The following DENND2C variants were observed in gnomAD, a reference collection of about 807,000 sequenced individuals.
The protein encoded by DENND2C is DENN domain-containing protein 2C.
Under a neutral mutation model 112.4 loss-of-function variants are expected in DENND2C, and 72 were observed. That is an observed-to-expected ratio of 0.64 (90% CI 0.53 to 0.78). DENND2C has a LOEUF of 0.78. Ranked by LOEUF, DENND2C falls within the 30% of genes least tolerant of loss-of-function variation. The pLI, the probability that DENND2C is intolerant of heterozygous loss-of-function variation, is 0.00. For synonymous variants in DENND2C, 329 were observed against 381.6 expected (o/e 0.86, Z 1.61); for missense variants, 992 against 1,113.8 (o/e 0.89, Z 1.56).
intron 1 of DENND2C, among the ~76,000 whole-genome samples, chr1:114,656,161 G>A (rs141139753): frequency 1.3e-3 from 191 of 151,616 alleles, no homozygotes; most frequent in African/African-American, 4.5e-3. Flanking sequence ...TCAACCACCT[G>A]GGCTTAAAGT....
rs1655015136 is a variant in DENND2C at position 114,585,470 on chromosome 1, G to C, written c.*130C>G. The C allele has an allele frequency of 1.1e-6, 1 of 939,268 alleles. No homozygotes were observed. 58.2% of individuals were successfully genotyped at this position (939,268 alleles called of 1,614,324 possible). ...GCAACAGGAGAATCCTCCTCTAACA[G>C]CCTGACTCGCTCTTTAACCTTTTAA... On this transcript the variant is annotated 3_prime_UTR_variant, in exon 21 of 21. Coordinates refer to ENST00000393274, the MANE Select transcript of DENND2C (RefSeq NM_001256404.2).
chr1:114,606,615 C>G (rs960567663), intron 10 of DENND2C, among the ~76,000 whole-genome samples: 1 of 152,170 alleles, frequency 6.6e-6, no homozygotes, highest in African/African-American at 2.4e-5. Flanking sequence ...AAATGTGGAG[C>G]CCCTTGTTCA....
chr1:114,601,755 T>C (rs371266488), intron 12 of DENND2C, among the ~76,000 whole-genome samples, 170 bp from the exon 13 acceptor site: 12 of 152,188 alleles, frequency 7.9e-5, no homozygotes, highest in African/African-American at 2.9e-4. Context: ...TGATAGCATG[T>C]TTTATTCTAG....
intron 1 of DENND2C, among the ~76,000 whole-genome samples, chr1:114,661,106 CAA>C (rs61417132): frequency 0.44 from 44,722 of 102,494 alleles, 7,171 homozygotes; most frequent in East Asian, 0.52. Context: ...GACTCCGTCT[CAA>C]AAAAAAAAAA....
intron 6 of DENND2C, among the ~76,000 whole-genome samples, chr1:114,622,635 G>A (rs1053662725): frequency 2.6e-5 from 4 of 152,010 alleles, no homozygotes; most frequent in African/African-American, 9.7e-5. Flanking sequence ...ACTCTAGGGA[G>A]CCTTTGCTTC....
chr1:114,627,106 G>A (rs1221517586), intron 3 of DENND2C, among the ~76,000 whole-genome samples: 3 of 152,082 alleles, frequency 2.0e-5, no homozygotes, highest in Non-Finnish European at 2.9e-5. Flanking sequence ...CCTATTTGAC[G>A]ACTGGACTTC....
At chr1:114,633,151 T>C (rs1366068879) in intron 3 of DENND2C, among the ~76,000 whole-genome samples, 3 of 152,020 alleles carry the variant, frequency 2.0e-5, no homozygotes, top group Admixed American at 1.3e-4. Flanking sequence ...TGGAACTGAA[T>C]TAAAAATCAC....
At chr1:114,641,043 T>TA (rs776032700) in intron 3 of DENND2C, among the ~76,000 whole-genome samples, 10 of 151,238 alleles carry the variant, frequency 6.6e-5, no homozygotes, top group East Asian at 1.9e-4. Context: ...TTGGCTTCCT[T>TA]AAAAAAAAAT....
At chr1:114,630,498 G>A (rs1225141067) in intron 3 of DENND2C, among the ~76,000 whole-genome samples, 3 of 151,956 alleles carry the variant, frequency 2.0e-5, no homozygotes, top group Admixed American at 6.6e-5. Context: ...CCTGAAAGAA[G>A]AGAGGAAAAT....
intron 7 of DENND2C, among the ~76,000 whole-genome samples, chr1:114,621,209 G>C (rs1656154908): frequency 6.6e-6 from 1 of 152,138 alleles, no homozygotes; most frequent in African/African-American, 2.4e-5. Flanking sequence ...GATTGCTTGA[G>C]GCCAGGAGTT....
intron 11 of DENND2C, among the ~76,000 whole-genome samples, chr1:114,604,389 G>A (rs1227703000): frequency 4.6e-5 from 7 of 152,182 alleles, no homozygotes; most frequent in Non-Finnish European, 1.0e-4. Flanking sequence ...ATTAAAAGTA[G>A]TAATTTCCTC....
At chr1:114,667,059 A>G (rs1219936518) in intron 1 of DENND2C, among the ~76,000 whole-genome samples, 1 of 152,122 alleles carries the variant, frequency 6.6e-6, no homozygotes, top group Non-Finnish European at 1.5e-5. Context: ...ATGGACTACA[A>G]CACATTCCTC....
At chr1:114,599,476 T>A in intron 15 of DENND2C, 25 bp from the exon 16 acceptor site, 1 of 1,599,960 alleles carries the variant, frequency 6.3e-7, no homozygotes, top group Non-Finnish European at 8.5e-7. Flanking sequence ...AAACAAATGG[T>A]GTCATATATA....
chr1:114,636,750 GT>G (rs201267999), intron 3 of DENND2C, among the ~76,000 whole-genome samples: 10,224 of 148,946 alleles, frequency 0.069, 410 homozygotes, highest in Middle Eastern at 0.1. Context: ...AAGTAAAGCT[GT>G]TTTTTTTTTC....
At chr1:114,660,313 A>T (rs1397874987) in intron 1 of DENND2C, among the ~76,000 whole-genome samples, 1 of 152,194 alleles carries the variant, frequency 6.6e-6, no homozygotes, top group African/African-American at 2.4e-5. Flanking sequence ...CAATATATAA[A>T]ACAGCAGTTT....
chr1:114,624,677 A>C (rs1292421492), intron 4 of DENND2C, among the ~76,000 whole-genome samples: 3 of 148,906 alleles, frequency 2.0e-5, no homozygotes, highest in Non-Finnish European at 4.4e-5. Flanking sequence ...GCTGAAGTGC[A>C]GTGTCACGAT....
chr1:114,608,344 A>G (rs1489798821), intron 10 of DENND2C, among the ~76,000 whole-genome samples: 2 of 152,220 alleles, frequency 1.3e-5, no homozygotes, highest in African/African-American at 2.4e-5. Context: ...CAGAGCTTTC[A>G]CACAGAGTCC....
At chr1:114,606,363 G>A (rs772346684) in intron 10 of DENND2C, among the ~76,000 whole-genome samples, 1 of 152,126 alleles carries the variant, frequency 6.6e-6, no homozygotes, top group Non-Finnish European at 1.5e-5. Context: ...AGGACTTTTT[G>A]AAAATGAGAA....
chr1:114,596,556 T>C (rs753752006), intron 16 of DENND2C, among the ~76,000 whole-genome samples: 3 of 152,142 alleles, frequency 2.0e-5, no homozygotes, highest in South Asian at 4.1e-4. Flanking sequence ...CCTTATGTTA[T>C]AGAGATTCAC....
Sources: gnomAD v4.1 joint callset for allele counts (sites outside exome capture counted in the v4.1 genomes callset) on GRCh38, gnomAD v4.1.1 for gene constraint, MANE v1.5 for transcripts, NCBI Gene and HGNC (gene_info 2026-07-23, HGNC 2026-07-21) for gene names.